The following VPS26A variants were observed in gnomAD, a reference collection of about 807,000 sequenced individuals.
The protein encoded by VPS26A is VPS26 retromer complex component A.
A neutral mutation model predicts 42.4 loss-of-function variants in VPS26A; 22 were observed. The ratio of observed to expected loss-of-function variants is 0.52; its 90% CI spans 0.37 to 0.74. The LOEUF is 0.74. Ranked by LOEUF, VPS26A falls within the 30% of genes least tolerant of loss-of-function variation. The pLI, the probability that VPS26A is intolerant of heterozygous loss-of-function variation, is 0.00. For synonymous variants in VPS26A, 110 were observed against 123.5 expected, an observed-to-expected ratio of 0.89 and a Z score of 0.73; for missense variants, 276 against 379.2, an observed-to-expected ratio of 0.73 and a Z score of 2.26.
intron 4 of VPS26A, among the ~76,000 whole-genome samples, 165 bp downstream of exon 4, chr10:69,157,328 G>A (rs545686188): frequency 2.0e-5 from 3 of 152,248 alleles, no homozygotes; most frequent in South Asian, 2.1e-4. Flanking sequence ...GTAATAGAGC[G>A]TTCTAACATT....
intron 3 of VPS26A, 88 bp from the exon 4 acceptor site, chr10:69,156,918 TA>T: frequency 1.6e-6 from 2 of 1,216,902 alleles, no homozygotes; most frequent in Non-Finnish European, 2.2e-6. Flanking sequence ...ATTCTTTTGG[TA>T]AAAATCGTTT....
chr10:69,160,119 A>G (rs1343918154), intron 5 of VPS26A, among the ~76,000 whole-genome samples: 19 of 142,512 alleles, frequency 1.3e-4, no homozygotes, highest in Admixed American at 1.1e-3. Context: ...TCAGACTGAC[A>G]TAATTTTTAC....
At chr10:69,137,806 A>C (rs888181074) in intron 2 of VPS26A, among the ~76,000 whole-genome samples, 1 of 149,958 alleles carries the variant, frequency 6.7e-6, no homozygotes, top group African/African-American at 2.5e-5. Flanking sequence ...ATTTGTATTG[A>C]CTCTTATGAA....
At chr10:69,124,334 G>GGCGGGCCGGCCAACC (rs1840599153) in intron 1 of VPS26A, 54 bp downstream of exon 1, 11 of 1,233,856 alleles carry the variant, frequency 8.9e-6, no homozygotes, top group Non-Finnish European at 1.1e-5. Context: ...CGGAGCGCGC[G>GGCGGGCCGGCCAACC]GCGGGCCGGC....
intron 2 of VPS26A, among the ~76,000 whole-genome samples, chr10:69,143,928 G>T (rs1049309089): frequency 1.3e-5 from 2 of 151,988 alleles, no homozygotes; most frequent in East Asian, 1.9e-4. Flanking sequence ...ATGTTTCCCA[G>T]GCTAATCTCA....
In VPS26A at chr10:69,162,406, G is replaced by GT. The variant is rs1564686215; in HGVS notation, c.553dup (p.Tyr185LeufsTer50). On this transcript the variant is annotated frameshift_variant and splice_region_variant, in exon 6 of 9. Coordinates refer to ENST00000263559, the MANE Select transcript of VPS26A (RefSeq NM_004896.5). LOFTEE classifies it high-confidence loss of function. The stretch of plus-strand genomic sequence containing the variant: ...AGTGAGATATGTTCTTCCCCAATAG[G>GT]TATCATTTAAAGGATGTGATTGTTG... The GT allele has an allele frequency of 7.2e-7, 1 of 1,397,036 alleles. No individual in the cohort carries two copies. Among genetic ancestry groups the GT allele is most frequent in the Non-Finnish European group, 1.0e-6 (1 of 999,262 alleles). The allele number at this position is 1,397,036 out of a possible 1,614,324, so 86.5% of individuals were successfully genotyped here. A position where few individuals can be genotyped will look rare whatever the true frequency, so the allele number is the denominator to read the frequency against.
intron 3 of VPS26A, among the ~76,000 whole-genome samples, chr10:69,156,409 C>G (rs1276351858): frequency 6.6e-6 from 1 of 151,978 alleles, no homozygotes; most frequent in East Asian, 1.9e-4. Context: ...CTATATAAAT[C>G]TTTCTATACT....
At chr10:69,161,606 G>A in intron 5 of VPS26A, 1 of 270,394 alleles carries the variant, frequency 3.7e-6, no homozygotes, top group South Asian at 4.4e-5. Context: ...CTGCACAACT[G>A]CAAACAACCA....
At chr10:69,137,219 T>C (rs150897846) in intron 2 of VPS26A, among the ~76,000 whole-genome samples, 7 of 152,334 alleles carry the variant, frequency 4.6e-5, no homozygotes, top group African/African-American at 1.7e-4. Context: ...TATTGCCCTA[T>C]TGAAGCTCTA....
At chr10:69,137,051 A>G (rs1840927530) in intron 2 of VPS26A, among the ~76,000 whole-genome samples, 2 of 152,212 alleles carry the variant, frequency 1.3e-5, no homozygotes, top group South Asian at 2.1e-4. Context: ...CAGCCTCCCA[A>G]AGTGCTGGGA....
chr10:69,169,683 A>C (rs1206118906), intron 8 of VPS26A, among the ~76,000 whole-genome samples: 1 of 151,492 alleles, frequency 6.6e-6, no homozygotes, highest in Non-Finnish European at 1.5e-5. Context: ...ATCTCAGCTC[A>C]CTGCAACCTT....
chr10:69,149,754 T>G (rs931532533), intron 2 of VPS26A, among the ~76,000 whole-genome samples: 32 of 91,202 alleles, frequency 3.5e-4, no homozygotes, highest in Non-Finnish European at 5.5e-4. Flanking sequence ...TTTTTTTTTT[T>G]TTTTTTTTTT....
intron 7 of VPS26A, among the ~76,000 whole-genome samples, chr10:69,167,156 G>A (rs996504654): frequency 1.8e-4 from 28 of 151,778 alleles, no homozygotes; most frequent in African/African-American, 6.3e-4. Flanking sequence ...GGGGCCGGGC[G>A]TGGTGGCTCA....
rs1841591182 is a variant in VPS26A, at chr10:69,162,879, T to C, written c.658+367T>C. Among the ~76,000 whole-genome samples the C allele has an allele frequency of 2.6e-5, 4 of 152,192 alleles. No individual in the cohort carries two copies. In the South Asian group the frequency reaches 8.3e-4, roughly 32 times the overall value. On this transcript the variant is annotated intron_variant, in intron 6 of 8. Coordinates refer to ENST00000263559, the MANE Select transcript of VPS26A (RefSeq NM_004896.5). ...ACTCCTGTGCTGATCAGTAGTGGGA[T>C]TGTGCCTGTGAATAGCCACTGCACT... is the stretch of plus-strand genomic sequence containing the variant.
rs1263482549 is a variant in VPS26A, at chr10:69,173,105, T to C, written c.*1836T>C. ...CAAGACTTTTTGTAGCATAACCAAT[T>C]TGAAAAAAATTCAAATTTAATATTT... On this transcript the variant is annotated 3_prime_UTR_variant, in exon 9 of 9. Coordinates refer to ENST00000263559, the MANE Select transcript of VPS26A (RefSeq NM_004896.5). 6.6e-6 allele frequency among the ~76,000 whole-genome samples: 1 copy of C among 152,182 alleles called. No individual in the cohort carries two copies. The highest frequency in any genetic ancestry group is 2.4e-5 in the African/African-American group (1 of 41,438).
At chr10:69,147,642 A>G (rs778897021) in intron 2 of VPS26A, among the ~76,000 whole-genome samples, 17 of 152,166 alleles carry the variant, frequency 1.1e-4, no homozygotes, top group Non-Finnish European at 1.2e-4. Context: ...CAGTTGTTTC[A>G]GCACTATTTG....
intron 2 of VPS26A, among the ~76,000 whole-genome samples, chr10:69,141,246 C>G (rs1423177809): frequency 6.6e-6 from 1 of 152,194 alleles, no homozygotes; most frequent in Non-Finnish European, 1.5e-5. Flanking sequence ...ATGTAAGAGA[C>G]AACCCCAAAA....
chr10:69,170,428 GAAA>G (rs149256796), intron 8 of VPS26A: 1 of 149,014 alleles, frequency 6.7e-6, no homozygotes, highest in Non-Finnish European at 1.5e-5. Context: ...ATATGTTGGG[GAAA>G]AAAAAAAGCC....
chr10:69,170,119 C>G (rs1032723680), intron 8 of VPS26A: 9 of 152,108 alleles, frequency 5.9e-5, no homozygotes, highest in African/African-American at 2.2e-4. Flanking sequence ...GTGAAAAATA[C>G]AAAAACTACC....
Sources: gnomAD v4.1 joint callset for allele counts (sites outside exome capture counted in the v4.1 genomes callset) on GRCh38, gnomAD v4.1.1 for gene constraint, MANE v1.5 for transcripts, NCBI Gene and HGNC (gene_info 2026-07-23, HGNC 2026-07-21) for gene names.